PLCL2: variants seen among roughly 807,000 people sequenced by gnomAD.
PLCL2 encodes the protein phospholipase C like 2.
In PLCL2, 4 loss-of-function variants were observed where a neutral mutation model predicts 79.6. The observed-to-expected ratio is 0.05, with a 90% CI of 0.02 to 0.11. The LOEUF (loss-of-function observed/expected upper bound fraction) is 0.11. PLCL2 is among the 10% of genes least tolerant of loss of function. PLCL2 has a pLI of 1.00. For missense variants in PLCL2, 895 were observed against 1,291.0 expected (o/e 0.69, Z 4.70); for synonymous variants, 484 against 457.7 (o/e 1.06, Z -0.73).
intron 4 of PLCL2, among the ~76,000 whole-genome samples, 161 bp downstream of exon 4, chr3:17,043,110 G>C (rs1423368324): frequency 6.6e-6 from 1 of 152,072 alleles, no homozygotes; most frequent in Non-Finnish European, 1.5e-5. Flanking sequence ...CTCAGCCTTG[G>C]GTAACAAACT....
At chr3:17,035,864 G>T (rs376706191) in intron 3 of PLCL2, 15 of 485,580 alleles carry the variant, frequency 3.1e-5, no homozygotes, top group African/African-American at 2.8e-4. Context: ...GGTCCTGTGT[G>T]TGGCAGCACC....
intron 4 of PLCL2, among the ~76,000 whole-genome samples, chr3:17,049,828 A>G (rs1195982360): frequency 1.3e-5 from 2 of 152,220 alleles, no homozygotes; most frequent in Admixed American, 6.5e-5. Flanking sequence ...ATTGAAAAAA[A>G]AAATCCTAAC....
In PLCL2 at chr3:16,979,583, T is replaced by A. The variant is rs1387018417; in HGVS notation, c.328-30091T>A. ...TCAAGCATCTGTCTAACAAAGCACA[T>A]CTTGCACCGCCCTTAATCCATTCAA... On this transcript the variant is annotated intron_variant, in intron 1 of 5. Coordinates refer to ENST00000615277, the MANE Select transcript of PLCL2 (RefSeq NM_001144382.2). Among the ~76,000 whole-genome samples, 2 of 122,700 alleles carry A rather than the reference T, an allele frequency of 1.6e-5. 1 individual carries two copies. Among genetic ancestry groups the A allele is most frequent in the Non-Finnish European group, 3.4e-5 (2 of 58,228 alleles). 80.5% of individuals were successfully genotyped at this position (122,700 alleles called of 152,430 possible). A position where few individuals can be genotyped will look rare whatever the true frequency, so the allele number is the denominator to read the frequency against.
At chr3:16,919,332 T>A (rs1045912621) in intron 1 of PLCL2, among the ~76,000 whole-genome samples, 2 of 152,166 alleles carry the variant, frequency 1.3e-5, no homozygotes, top group East Asian at 3.8e-4. Context: ...ATAATGTTCA[T>A]CAAATTATCT....
At chr3:17,037,361 T>G (rs2064669005) in intron 3 of PLCL2, among the ~76,000 whole-genome samples, 1 of 152,198 alleles carries the variant, frequency 6.6e-6, no homozygotes, top group Non-Finnish European at 1.5e-5. Flanking sequence ...ACCATTTTTG[T>G]AAGTCCATTG....
At chr3:16,964,423 A>T (rs2063785542) in intron 1 of PLCL2, among the ~76,000 whole-genome samples, 1 of 152,106 alleles carries the variant, frequency 6.6e-6, no homozygotes, top group Admixed American at 6.5e-5. Context: ...TCTATCATTG[A>T]TGGGCATTTG....
chr3:16,933,451 G>T lies in PLCL2; in HGVS notation c.327+48085G>T, dbSNP rs1472914831. Among the ~76,000 whole-genome samples, 3 of 152,136 alleles carry T rather than the reference G, an allele frequency of 2.0e-5. No individual in the cohort carries two copies. The East Asian group carries it at 5.8e-4, about 29-fold the overall frequency. ...TGAAATATACTAACAAAGCCAAACAGTAAAAGATTATACAGGGAAAGTCCT... is the reference window on the plus strand; with the variant it reads ...TGAAATATACTAACAAAGCCAAACATTAAAAGATTATACAGGGAAAGTCCT... On this transcript the variant is annotated intron_variant, in intron 1 of 5. Transcript: ENST00000615277.
intron 1 of PLCL2, among the ~76,000 whole-genome samples, chr3:16,970,396 AT>A (rs1334093280): frequency 1.2e-4 from 18 of 150,468 alleles, no homozygotes; most frequent in Non-Finnish European, 1.9e-4. Flanking sequence ...TGAACTCATC[AT>A]TTTTTATGGC....
At chr3:17,014,031 G>A (rs2064356534) in intron 2 of PLCL2, among the ~76,000 whole-genome samples, 1 of 152,224 alleles carries the variant, frequency 6.6e-6, no homozygotes. Context: ...TAGAAGGCCA[G>A]CTCATGGCAT....
At chr3:17,088,818 C>T (rs2065246451) in intron 5 of PLCL2, among the ~76,000 whole-genome samples, 2 of 152,186 alleles carry the variant, frequency 1.3e-5, no homozygotes, top group African/African-American at 4.8e-5. Context: ...TTCATTGGCC[C>T]ATTGTCAGCA....
chr3:16,945,614 C>G (rs1382696781), intron 1 of PLCL2, among the ~76,000 whole-genome samples: 2 of 152,176 alleles, frequency 1.3e-5, no homozygotes, highest in Non-Finnish European at 2.9e-5. Flanking sequence ...TGTCTGCCCC[C>G]ACCCCAGACT....
chr3:16,952,360 C>CAAAAAAAAAAAAAAAAAAAAAAAAAAAA (rs35421244), intron 1 of PLCL2, among the ~76,000 whole-genome samples: 1 of 22,616 alleles, frequency 4.4e-5, no homozygotes, highest in Non-Finnish European at 7.3e-5. Context: ...GAACTTAAAG[C>CAAAAAAAAAAAAAAAAAAAAAAAAAAAA]AAAAAAAAAA....
chr3:17,089,929 C>G lies in PLCL2; in HGVS notation c.*17C>G, dbSNP rs35185988. 1 of 1,608,620 alleles carries G rather than the reference C, an allele frequency of 6.2e-7. No individual in the cohort carries two copies. The highest frequency in any genetic ancestry group is 1.3e-5 in the African/African-American group (1 of 74,674). On this transcript the variant is annotated 3_prime_UTR_variant, in exon 6 of 6. Transcript: ENST00000615277. ...GGAGAATGAGGAAACTTACAATAAA[C>G]CATTATGGAGTTTATAACTCTAGGA... is the stretch of plus-strand genomic sequence containing the variant.
At chr3:17,006,655 G>A (rs2064262941) in intron 1 of PLCL2, among the ~76,000 whole-genome samples, 1 of 152,180 alleles carries the variant, frequency 6.6e-6, no homozygotes, top group African/African-American at 2.4e-5. Context: ...CTGCTAAGGG[G>A]TGTCCTTGAT....
chr3:16,903,535 A>G (rs1305120037), intron 1 of PLCL2, among the ~76,000 whole-genome samples: 1 of 152,194 alleles, frequency 6.6e-6, no homozygotes, highest in Non-Finnish European at 1.5e-5. Context: ...TTTTACTTTC[A>G]TTGCTCAATA....
intron 1 of PLCL2, among the ~76,000 whole-genome samples, chr3:16,988,035 A>C (rs2064067697): frequency 6.6e-6 from 1 of 152,166 alleles, no homozygotes; most frequent in South Asian, 2.1e-4. Context: ...TAACCAGAGA[A>C]CCATGGATTT....
chr3:17,019,699 A>AAAG (rs1361421837), intron 3 of PLCL2, among the ~76,000 whole-genome samples: 2 of 152,250 alleles, frequency 1.3e-5, no homozygotes, highest in Non-Finnish European at 2.9e-5. Flanking sequence ...TAATGCACTT[A>AAAG]AAATAAAGAA....
At chr3:17,089,381 T>A (rs1207440493) in intron 5 of PLCL2, among the ~76,000 whole-genome samples, 1 of 151,294 alleles carries the variant, frequency 6.6e-6, no homozygotes. Flanking sequence ...AATAAAAAGT[T>A]TTTTTTTTAA....
intron 1 of PLCL2, among the ~76,000 whole-genome samples, chr3:16,970,348 G>T (rs983916015): frequency 6.6e-6 from 1 of 151,498 alleles, no homozygotes; most frequent in Non-Finnish European, 1.5e-5. Context: ...TACTGAGAAT[G>T]ATGATTTCCA....
Sources: gnomAD v4.1 joint callset for allele counts (sites outside exome capture counted in the v4.1 genomes callset) on GRCh38, gnomAD v4.1.1 for gene constraint, MANE v1.5 for transcripts, NCBI Gene and HGNC (gene_info 2026-07-23, HGNC 2026-07-21) for gene names.